SUCO: variants seen among roughly 807,000 people sequenced by gnomAD.
SUCO encodes SUN domain containing ossification factor, also known as SUN domain-containing ossification factor.
Under a neutral mutation model 148.1 loss-of-function variants are expected in SUCO, and 57 were observed. That is an observed-to-expected ratio of 0.38 (90% confidence interval 0.31 to 0.48). The LOEUF is 0.48. SUCO is among the 20% of genes least tolerant of loss of function. The pLI, the probability that SUCO is intolerant of heterozygous loss-of-function variation, is 0.96. For synonymous variants in SUCO, 470 were observed against 502.7 expected (o/e 0.93, Z 0.87); for missense variants, 1,331 against 1,468.2 (o/e 0.91, Z 1.53).
At chr1:172,576,728 A>G (rs1396550563) in intron 11 of SUCO, 1 of 189,896 alleles carries the variant, frequency 5.3e-6, no homozygotes, top group Non-Finnish European at 9.7e-6. Flanking sequence ...TGTTCCTTTT[A>G]TGGTGGGAGA....
intron 8 of SUCO, 49 bp downstream of exon 8, chr1:172,570,220 T>C (rs1349356136): frequency 1.7e-6 from 2 of 1,154,046 alleles, no homozygotes; most frequent in Non-Finnish European, 2.4e-6. Context: ...TTAACGACTT[T>C]TTAAAATACA....
chr1:172,579,361 C>A, intron 15 of SUCO, 94 bp downstream of exon 15: 1 of 700,070 alleles, frequency 1.4e-6, no homozygotes, highest in Non-Finnish European at 2.4e-6. Flanking sequence ...AGAATTCTCC[C>A]AGTGTTGAAC....
At chr1:172,563,617 A>G (rs1230100321) in intron 6 of SUCO, among the ~76,000 whole-genome samples, 1 of 152,236 alleles carries the variant, frequency 6.6e-6, no homozygotes, top group East Asian at 1.9e-4. Context: ...AAACAAAGAA[A>G]TGGCCTAAAA....
intron 6 of SUCO, among the ~76,000 whole-genome samples, chr1:172,566,411 T>A (rs1353253617): frequency 6.6e-6 from 1 of 152,202 alleles, no homozygotes; most frequent in African/African-American, 2.4e-5. Flanking sequence ...CCATCTCTGC[T>A]TTCTTCATCC....
chr1:172,552,657 AAAC>A, intron 2 of SUCO: 3 of 978,652 alleles, frequency 3.1e-6, no homozygotes, highest in Non-Finnish European at 3.6e-6. Context: ...ATCTCAAAAA[AAAC>A]TATAATTTTA....
At position 172,582,274 on chromosome 1, in the gene SUCO, A is replaced by G. The variant is rs542221269; in HGVS notation, c.1499-2744A>G. On this transcript the variant is annotated intron_variant, in intron 15 of 23. Transcript: ENST00000263688. The stretch of plus-strand genomic sequence containing the variant: ...TAGATCCTAGAAGGACCATTTTCCT[A>G]GAAAATGTGGGCATGCTTCAGAGAT... Among the ~76,000 whole-genome samples the G allele has an allele frequency of 2.0e-5, 3 of 152,292 alleles. No individual in the cohort carries two copies. The East Asian group carries it at 5.8e-4, about 29-fold the overall frequency.
intron 6 of SUCO, among the ~76,000 whole-genome samples, chr1:172,562,436 T>A (rs1160263710): frequency 6.6e-6 from 1 of 151,372 alleles, no homozygotes; most frequent in Non-Finnish European, 1.5e-5. Flanking sequence ...CGGGTTCAAG[T>A]GATTCTCTTG....
At position 172,587,071 on chromosome 1, in the gene SUCO, T is replaced by A. The variant is rs545562089; in HGVS notation, c.1658+1123T>A. Among the ~76,000 whole-genome samples the A allele has an allele frequency of 1.2e-3, 172 of 148,424 alleles. 1 individual carries two copies. Among genetic ancestry groups the A allele is most frequent in the African/African-American group, 4.1e-3 (162 of 39,784 alleles). ...AACTAAATAAAACTGATTTGGTTTT[T>A]TATATATATATGTACACACTTTCAT... On this transcript the variant is annotated intron_variant, in intron 17 of 23. Transcript: ENST00000263688.
chr1:172,536,352 T>C (rs1396313965), intron 1 of SUCO, among the ~76,000 whole-genome samples: 1 of 152,226 alleles, frequency 6.6e-6, no homozygotes, highest in Non-Finnish European at 1.5e-5. Context: ...TGAACCTTAG[T>C]TGTTATATCC....
rs1442623265 is a variant in SUCO, at chr1:172,610,454, T to A, written c.*195T>A. The A allele has an allele frequency of 6.6e-6, 5 of 754,618 alleles. No individual in the cohort carries two copies. The highest frequency in any genetic ancestry group is 3.7e-5 in the Admixed American group (1 of 27,058). The allele number at this position is 754,618 out of a possible 1,614,324, so 46.7% of individuals were successfully genotyped here. On this transcript the variant is annotated 3_prime_UTR_variant, in exon 24 of 24. Coordinates refer to ENST00000263688, the MANE Select transcript of SUCO (RefSeq NM_014283.5). ...ATGAGCTACAGTTTTACAAAGCTGA[T>A]CACTTCCTATAAGGACAATGGTAGA...
chr1:172,556,780 G>A, intron 4 of SUCO: 1 of 954,984 alleles, frequency 1.0e-6, no homozygotes, highest in Non-Finnish European at 1.2e-6. Flanking sequence ...GATTCAGAAG[G>A]AATTTAAGGC....
chr1:172,601,206 C>A (rs958033510), intron 20 of SUCO, among the ~76,000 whole-genome samples: 20 of 152,146 alleles, frequency 1.3e-4, no homozygotes, highest in Admixed American at 1.2e-3. Context: ...GAGGTAATTG[C>A]AGGCCAGGCA....
At chr1:172,534,239 C>T (rs1024618722) in intron 1 of SUCO, among the ~76,000 whole-genome samples, 1 of 152,128 alleles carries the variant, frequency 6.6e-6, no homozygotes, top group Non-Finnish European at 1.5e-5. Flanking sequence ...CCAGGCACTT[C>T]TGGAGTTTTT....
At chr1:172,608,873 GT>G in intron 23 of SUCO, 71 bp downstream of exon 23, 1 of 1,070,898 alleles carries the variant, frequency 9.3e-7, no homozygotes, top group South Asian at 1.4e-5. Flanking sequence ...AGGTTGAAAG[GT>G]TTAAGGTAAT....
rs931263432 is a variant in SUCO at position 172,584,410 on chromosome 1, G to C, written c.1499-608G>C. The C allele has an allele frequency of 9.0e-6, 8 of 892,750 alleles. No homozygotes were observed. In the African/African-American group the frequency reaches 1.4e-4, roughly 16 times the overall value. The allele number at this position is 892,750 out of a possible 1,614,324, so 55.3% of individuals were successfully genotyped here. A position where few individuals can be genotyped will look rare whatever the true frequency, so the allele number is the denominator to read the frequency against. On this transcript the variant is annotated intron_variant, in intron 15 of 23. Coordinates refer to ENST00000263688, the MANE Select transcript of SUCO (RefSeq NM_014283.5). ...TGTCCCAGTACAGACTGTATGTTGAGTTATACTTGAGTTTATAGTATGCTG... is the reference window on the plus strand; with the variant it reads ...TGTCCCAGTACAGACTGTATGTTGACTTATACTTGAGTTTATAGTATGCTG...
intron 15 of SUCO, among the ~76,000 whole-genome samples, chr1:172,581,737 A>G (rs1337164629): frequency 6.6e-6 from 1 of 152,136 alleles, no homozygotes; most frequent in African/African-American, 2.4e-5. Flanking sequence ...TAATGTGTAC[A>G]TAGTATCCAC....
Position 172,575,637 on chromosome 1 carries a change from A to C in SUCO, c.1263+14A>C. The C allele has an allele frequency of 1.3e-6, 2 of 1,505,124 alleles. No individual in the cohort carries two copies. The highest frequency in any genetic ancestry group is 1.8e-6 in the Non-Finnish European group (2 of 1,082,804). 93.2% of individuals were successfully genotyped at this position (1,505,124 alleles called of 1,614,324 possible). ...AAATATGTCAAGGTAATGTTTACAC[A>C]TACAGGACTATGTTCTATAATGAAA... On this transcript the variant is annotated intron_variant, in intron 11 of 23. Transcript: ENST00000263688.
At chr1:172,590,678 T>C (rs1260865093) in intron 18 of SUCO, among the ~76,000 whole-genome samples, 2 of 152,134 alleles carry the variant, frequency 1.3e-5, no homozygotes, top group African/African-American at 4.8e-5. Context: ...AGGAAATTTT[T>C]CTAATCCATA....
rs1656954907 is a variant in SUCO, at chr1:172,594,740, G to C, written c.2913+3669G>C. On this transcript the variant is annotated intron_variant, in intron 19 of 23. Coordinates refer to ENST00000263688, the MANE Select transcript of SUCO (RefSeq NM_014283.5). ...TGGAATAATTTTGTGGTGCCGAAAA[G>C]AATGTATATTTTGTTGATTTAGGGT... Among the ~76,000 whole-genome samples the C allele has an allele frequency of 2.0e-5, 3 of 152,190 alleles. 1 individual carries two copies. In the South Asian group the frequency reaches 6.2e-4, roughly 31 times the overall value.
Sources: allele counts gnomAD v4.1 joint callset (sites outside exome capture counted in the v4.1 genomes callset), GRCh38; gene constraint gnomAD v4.1.1; transcripts MANE v1.5; gene names NCBI Gene and HGNC (gene_info 2026-07-23, HGNC 2026-07-21).